Variants in EEFSEC observed in about 807,000 individuals in gnomAD.
EEFSEC encodes eukaryotic elongation factor, selenocysteine-tRNA specific, also known as selenocysteine-specific elongation factor.
Under a neutral mutation model 42.1 loss-of-function variants are expected in EEFSEC, and 43 were observed. That is an observed-to-expected ratio of 1.02 (90% CI 0.80 to 1.32). The LOEUF is 1.32. Ranked by LOEUF, EEFSEC falls within the 40% of genes most tolerant of loss-of-function variation. The pLI, the probability that EEFSEC is intolerant of heterozygous loss-of-function variation, is 0.00. For missense variants in EEFSEC, 745 were observed against 803.6 expected (o/e 0.93, Z 0.88); for synonymous variants, 354 against 339.1 (o/e 1.04, Z -0.48).
chr3:128,175,397 G>A (rs926907079), intron 1 of EEFSEC, among the ~76,000 whole-genome samples: 2 of 152,242 alleles, frequency 1.3e-5, no homozygotes, highest in Non-Finnish European at 2.9e-5. Context: ...TGACACCAGC[G>A]TGCAGCAGTC....
intron 4 of EEFSEC, among the ~76,000 whole-genome samples, chr3:128,279,785 C>G (rs1171204304): frequency 6.6e-6 from 1 of 152,060 alleles, no homozygotes. Flanking sequence ...TGCAGCCTGC[C>G]CCTGACTGGC....
intron 2 of EEFSEC, among the ~76,000 whole-genome samples, chr3:128,249,099 C>T (rs1371109926): frequency 1.3e-5 from 2 of 152,210 alleles, no homozygotes; most frequent in Non-Finnish European, 2.9e-5. Context: ...TTCTTATGTT[C>T]CCTTGTTAAG....
chr3:128,377,413 G>A (rs773120671), intron 6 of EEFSEC, among the ~76,000 whole-genome samples: 9 of 152,152 alleles, frequency 5.9e-5, no homozygotes, highest in Admixed American at 1.3e-4. Context: ...AGCAGGCCTC[G>A]CTGAGTCTTA....
chr3:128,409,015 C>A (rs986250137), downstream of EEFSEC, among the ~76,000 whole-genome samples: 9 of 152,160 alleles, frequency 5.9e-5, no homozygotes, highest in African/African-American at 1.9e-4. Context: ...AGTTTGAGAA[C>A]CACATACTTC....
intron 4 of EEFSEC, among the ~76,000 whole-genome samples, chr3:128,333,566 A>T (rs577688370): frequency 6.6e-6 from 1 of 152,352 alleles, no homozygotes; most frequent in African/African-American, 2.4e-5. Context: ...ATCATTAGCC[A>T]CTATCATTAG....
At chr3:128,355,123 A>T (rs538284509) in intron 5 of EEFSEC, among the ~76,000 whole-genome samples, 1 of 152,228 alleles carries the variant, frequency 6.6e-6, no homozygotes, top group African/African-American at 2.4e-5. Context: ...GCCTCCTCAC[A>T]CTCAGTGAGC....
At chr3:128,375,774 C>T (rs2107609316) in intron 6 of EEFSEC, among the ~76,000 whole-genome samples, 1 of 152,324 alleles carries the variant, frequency 6.6e-6, no homozygotes, top group East Asian at 1.9e-4. Context: ...ACTCATTCCA[C>T]GACTGGGCTG....
At chr3:128,342,704 C>G (rs1230765392) in intron 5 of EEFSEC, among the ~76,000 whole-genome samples, 6 of 152,220 alleles carry the variant, frequency 3.9e-5, no homozygotes, top group Non-Finnish European at 2.9e-5. Context: ...TGACTGGGCC[C>G]TGGGCCTCCC....
intron 6 of EEFSEC, among the ~76,000 whole-genome samples, chr3:128,401,122 A>C (rs1279293942): frequency 6.6e-6 from 1 of 152,146 alleles, no homozygotes; most frequent in Non-Finnish European, 1.5e-5. Context: ...CCACCCTGCC[A>C]GGTAGAGAGC....
chr3:128,396,684 GC>G (rs1417854346), intron 6 of EEFSEC, among the ~76,000 whole-genome samples: 1 of 152,178 alleles, frequency 6.6e-6, no homozygotes, highest in Non-Finnish European at 1.5e-5. Context: ...GTTACCTTGG[GC>G]AAGTTCCTGA....
intron 6 of EEFSEC, among the ~76,000 whole-genome samples, chr3:128,359,820 T>C (rs1287862991): frequency 6.6e-6 from 1 of 152,140 alleles, no homozygotes; most frequent in African/African-American, 2.4e-5. Context: ...TGGCTTCTTG[T>C]GTCAAATCTC....
intron 1 of EEFSEC, among the ~76,000 whole-genome samples, chr3:128,211,443 G>A (rs2065755135): frequency 6.6e-6 from 1 of 151,736 alleles, no homozygotes. Flanking sequence ...ATGAATATGA[G>A]GTATCTAGAG....
intron 3 of EEFSEC, among the ~76,000 whole-genome samples, chr3:128,263,971 A>G (rs2066325135): frequency 6.6e-6 from 1 of 152,204 alleles, no homozygotes; most frequent in Admixed American, 6.5e-5. Context: ...TACTGGAGAT[A>G]CCTGGCTCTC....
chr3:128,353,380 C>T (rs995356114), intron 5 of EEFSEC, among the ~76,000 whole-genome samples: 4 of 152,180 alleles, frequency 2.6e-5, no homozygotes, highest in African/African-American at 9.7e-5. Flanking sequence ...GGCTGGAACA[C>T]CTTCCTGTGA....
At chr3:128,248,417 TC>T (rs1467465968) in intron 2 of EEFSEC, among the ~76,000 whole-genome samples, 3 of 152,194 alleles carry the variant, frequency 2.0e-5, no homozygotes, top group Non-Finnish European at 4.4e-5. Flanking sequence ...AAATTAAAGC[TC>T]CAGCTCTGTG....
downstream of EEFSEC, among the ~76,000 whole-genome samples, chr3:128,411,403 G>A (rs1290958563): frequency 1.3e-5 from 2 of 152,260 alleles, no homozygotes; most frequent in South Asian, 2.1e-4. Context: ...GGGCAGGGCA[G>A]GGCTTGGCTG....
At chr3:128,420,359 G>A in the EEFSEC span, among the ~76,000 whole-genome samples, 1 of 152,268 alleles carries the variant, frequency 6.6e-6, no homozygotes, top group Non-Finnish European at 1.5e-5. Context: ...CTGCACATGT[G>A]AGAACGGTCC....
At position 128,358,372 on chromosome 3, in the gene EEFSEC, A is replaced by T; in HGVS notation, c.1599A>T (p.Pro533=). 1 of 1,614,136 alleles carries T rather than the reference A, an allele frequency of 6.2e-7. No individual in the cohort carries two copies. The highest frequency in any genetic ancestry group is 1.7e-5 in the Admixed American group (1 of 60,028). ...GCGGCAAGTTCAAGATCCACATCCC[A>T]GGTAAGTGCAGCCACTTCCTCCCGG... ...GQSGKFKIHI[P]GGLSPESKKI... Residue 533 remains proline (P), a splice_region_variant and synonymous_variant, in exon 6 of 7, where the codon CCA becomes CCT. Transcript: ENST00000254730.
rs1418348611 is a variant in EEFSEC, at chr3:128,264,610, T to G, written c.622-7T>G. 6 of 1,613,406 alleles carry G rather than the reference T, an allele frequency of 3.7e-6. No homozygotes were observed. Among genetic ancestry groups the G allele is most frequent in the Non-Finnish European group, 5.1e-6 (6 of 1,179,584 alleles). ...CACGGACTGTGGCACCAGTTTCTCT[T>G]TTCTAGCTCCTGACGTCCCAGATTT... On this transcript the variant is annotated splice_polypyrimidine_tract_variant and splice_region_variant and intron_variant, in intron 3 of 6. Transcript: ENST00000254730.
Sources: allele counts gnomAD v4.1 joint callset (sites outside exome capture counted in the v4.1 genomes callset), GRCh38; gene constraint gnomAD v4.1.1; transcripts MANE v1.5; gene names NCBI Gene and HGNC (gene_info 2026-07-23, HGNC 2026-07-21).